Variants in TP63 observed in about 807,000 individuals in gnomAD.
The protein encoded by TP63 is tumor protein 63.
A neutral mutation model predicts 82.8 loss-of-function variants in TP63; 17 were observed. The observed-to-expected ratio is 0.21, with a 90% CI of 0.14 to 0.31. The LOEUF is 0.31. Ranked by LOEUF, TP63 falls within the 10% of genes least tolerant of loss-of-function variation. The pLI is 1.00. For synonymous variants in TP63, 330 were observed against 321.7 expected, an observed-to-expected ratio of 1.03 and a Z score of -0.28; for missense variants, 648 against 895.3, an observed-to-expected ratio of 0.72 and a Z score of 3.52.
chr3:189,648,563 T>C (rs1439771383), intron 1 of TP63, among the ~76,000 whole-genome samples: 1 of 147,280 alleles, frequency 6.8e-6, no homozygotes, highest in Non-Finnish European at 1.5e-5. Flanking sequence ...TACAATTTCT[T>C]TTAAATGAGT....
chr3:189,678,935 T>G (rs1290970135), intron 1 of TP63, among the ~76,000 whole-genome samples: 1 of 147,198 alleles, frequency 6.8e-6, no homozygotes, highest in Admixed American at 6.6e-5. Context: ...CGCTACTGAT[T>G]ATTGTAAGTT....
intron 1 of TP63, 113 bp downstream of exon 1, chr3:189,631,690 G>A: frequency 6.3e-7 from 1 of 1,594,498 alleles, no homozygotes. Flanking sequence ...TCAGCACAGT[G>A]ATATTATTTT....
chr3:189,661,068 T>C (rs1261867963), intron 1 of TP63, among the ~76,000 whole-genome samples: 8 of 152,100 alleles, frequency 5.3e-5, no homozygotes, highest in Admixed American at 5.2e-4. Flanking sequence ...CTTTCATTTC[T>C]CTCTTGCCTG....
rs559940920 is a variant in TP63 at position 189,653,048 on chromosome 3, A to T, written c.62+21471A>T. 3.3e-5 allele frequency among the ~76,000 whole-genome samples: 5 copies of T among 150,986 alleles called. 2 individuals carry two copies. In the South Asian group the frequency reaches 1.1e-3, roughly 32 times the overall value. On this transcript the variant is annotated intron_variant, in intron 1 of 13. Coordinates refer to ENST00000264731, the MANE Select transcript of TP63 (RefSeq NM_003722.5). ...AATATAATCAGCATGTTCTTTTTCTATAGATATAGAGGACAGAAAATTAGG... is the reference window on the plus strand; with the variant it reads ...AATATAATCAGCATGTTCTTTTTCTTTAGATATAGAGGACAGAAAATTAGG...
chr3:189,657,020 CAAA>C (rs71173299), intron 1 of TP63, among the ~76,000 whole-genome samples: 117 of 143,618 alleles, frequency 8.1e-4, no homozygotes, highest in Middle Eastern at 3.6e-3. Context: ...ATGAAGCATG[CAAA>C]AAAAAAAAAA....
intron 3 of TP63, among the ~76,000 whole-genome samples, chr3:189,757,681 T>C (rs916703643): frequency 6.6e-6 from 1 of 152,154 alleles, no homozygotes; most frequent in Non-Finnish European, 1.5e-5. Context: ...GATACACTAG[T>C]GTTATTGTAG....
chr3:189,688,286 G>A (rs1001922464), intron 1 of TP63, among the ~76,000 whole-genome samples: 5 of 152,172 alleles, frequency 3.3e-5, no homozygotes, highest in Non-Finnish European at 7.3e-5. Flanking sequence ...TTTAACTAAA[G>A]TCTCCACATT....
chr3:189,858,130 G>T (rs1473950092), intron 4 of TP63, among the ~76,000 whole-genome samples: 2 of 74,106 alleles, frequency 2.7e-5, no homozygotes, highest in Admixed American at 2.0e-4. Context: ...TATAGGCCGG[G>T]CGCGGTGGCT....
chr3:189,637,608 C>G (rs374325131), intron 1 of TP63, among the ~76,000 whole-genome samples: 5 of 152,150 alleles, frequency 3.3e-5, no homozygotes, highest in South Asian at 2.1e-4. Context: ...CAGTTCAAAG[C>G]TCTCTTTAAC....
At chr3:189,794,535 G>A (rs958309664) in intron 3 of TP63, among the ~76,000 whole-genome samples, 3 of 151,980 alleles carry the variant, frequency 2.0e-5, no homozygotes, top group Non-Finnish European at 2.9e-5. Flanking sequence ...ATCAGCAAAG[G>A]GAAGGGGGGT....
chr3:189,702,788 A>G (rs901637428), intron 1 of TP63, among the ~76,000 whole-genome samples: 3 of 152,226 alleles, frequency 2.0e-5, no homozygotes, highest in African/African-American at 7.2e-5. Context: ...AACTTCTTTC[A>G]TGCTCCTTTT....
At chr3:189,675,422 A>G (rs1185522421) in intron 1 of TP63, among the ~76,000 whole-genome samples, 1 of 152,184 alleles carries the variant, frequency 6.6e-6, no homozygotes, top group African/African-American at 2.4e-5. Flanking sequence ...GATTATAAAA[A>G]TATAAGGAGG....
At chr3:189,663,521 CTTTTTT>C (rs397991949) in intron 1 of TP63, among the ~76,000 whole-genome samples, 3 of 84,528 alleles carry the variant, frequency 3.5e-5, no homozygotes, top group Admixed American at 1.9e-4. Flanking sequence ...TTCATTCATT[CTTTTTT>C]TTTTTTTTTT....
chr3:189,695,113 A>G (rs574677270), intron 1 of TP63, among the ~76,000 whole-genome samples: 7 of 151,850 alleles, frequency 4.6e-5, no homozygotes, highest in Non-Finnish European at 5.9e-5. Flanking sequence ...TAGAATATCT[A>G]CCTAAATTAT....
chr3:189,791,260 A>G (rs1238144488), intron 3 of TP63, among the ~76,000 whole-genome samples: 2 of 152,128 alleles, frequency 1.3e-5, no homozygotes, highest in Non-Finnish European at 2.9e-5. Flanking sequence ...TAAGCCGCCT[A>G]GGATCTTGTA....
chr3:189,790,225 C>T (rs1470630950), intron 3 of TP63, among the ~76,000 whole-genome samples: 1 of 152,036 alleles, frequency 6.6e-6, no homozygotes, highest in Non-Finnish European at 1.5e-5. Context: ...TTGACTGTGT[C>T]TTAACTTCTT....
chr3:189,834,132 A>G (rs1439174298), intron 4 of TP63, among the ~76,000 whole-genome samples: 1 of 152,166 alleles, frequency 6.6e-6, no homozygotes, highest in Non-Finnish European at 1.5e-5. Context: ...AAGCTTGACT[A>G]CCGTGGAGAG....
At chr3:189,780,380 A>G (rs575012135) in intron 3 of TP63, among the ~76,000 whole-genome samples, 4 of 152,238 alleles carry the variant, frequency 2.6e-5, no homozygotes, top group Admixed American at 2.0e-4. Flanking sequence ...ATCATCCTAG[A>G]CAGAAATGTA....
chr3:189,658,153 T>C (rs116350974), intron 1 of TP63, among the ~76,000 whole-genome samples: 2,046 of 152,162 alleles, frequency 0.013, 25 homozygotes, highest in East Asian at 0.044. Flanking sequence ...AGGCACCAAC[T>C]GAAGAGCTCC....
Sources: gnomAD v4.1 joint callset for allele counts (sites outside exome capture counted in the v4.1 genomes callset) on GRCh38, gnomAD v4.1.1 for gene constraint, MANE v1.5 for transcripts, NCBI Gene and HGNC (gene_info 2026-07-23, HGNC 2026-07-21) for gene names.